RALYL: variants seen among roughly 807,000 people sequenced by gnomAD.
RALYL encodes RALY RNA binding protein like, also known as RNA-binding Raly-like protein.
A neutral mutation model predicts 35.1 loss-of-function variants in RALYL; 29 were observed. The observed-to-expected ratio is 0.83, with a 90% CI of 0.61 to 1.13. The LOEUF (loss-of-function observed/expected upper bound fraction) is 1.13, where lower values mean the gene tolerates loss of function less well. Among genes scored for constraint, RALYL ranks in the 50% most tolerant of loss-of-function variants. The pLI is 0.00. For synonymous variants in RALYL, 120 were observed against 127.6 expected (o/e 0.94, Z 0.40); for missense variants, 359 against 360.4 (o/e 1.00, Z 0.03).
intron 4 of RALYL, among the ~76,000 whole-genome samples, chr8:84,846,958 C>T (rs1834788677): frequency 6.6e-6 from 1 of 152,164 alleles, no homozygotes; most frequent in Admixed American, 6.5e-5. Context: ...TTCAGTTCTG[C>T]TCCACTTTTG....
At chr8:84,455,784 C>A (rs1422419399) in intron 1 of RALYL, among the ~76,000 whole-genome samples, 2 of 152,012 alleles carry the variant, frequency 1.3e-5, no homozygotes, top group African/African-American at 2.4e-5. Context: ...TTTCTATATA[C>A]ATTTCTGTAT....
intron 1 of RALYL, among the ~76,000 whole-genome samples, chr8:84,380,862 G>A (rs555388683): frequency 6.6e-6 from 1 of 151,964 alleles, no homozygotes; most frequent in East Asian, 2.0e-4. Flanking sequence ...TATGCATTGA[G>A]AAGTAGGTTA....
rs114716066 is a variant in RALYL at position 84,577,236 on chromosome 8, C to A, written c.256+47659C>A. Among the ~76,000 whole-genome samples the A allele has an allele frequency of 4.2e-3, 643 of 152,336 alleles. 6 individuals are homozygous for A. The highest frequency in any genetic ancestry group is 0.014 in the African/African-American group (591 of 41,572). On this transcript the variant is annotated intron_variant, in intron 2 of 8. Transcript: ENST00000521268. ...TTTTTAGTCAGGCTGACACTATCCA[C>A]ATATTTTGCAAGGTACATTCACAAA...
intron 4 of RALYL, among the ~76,000 whole-genome samples, chr8:84,848,839 CT>C (rs560811520): frequency 6.0e-5 from 9 of 149,920 alleles, no homozygotes; most frequent in East Asian, 2.0e-4. Context: ...AGTAAGTAAA[CT>C]TTTTTTTTTA....
intron 3 of RALYL, among the ~76,000 whole-genome samples, chr8:84,783,341 A>C (rs920399396): frequency 5.9e-5 from 9 of 152,210 alleles, no homozygotes; most frequent in Admixed American, 4.6e-4. Context: ...CATTAAGCCA[A>C]AATGTGGTGC....
chr8:84,810,015 C>A (rs1489963428), intron 4 of RALYL, among the ~76,000 whole-genome samples: 1 of 151,854 alleles, frequency 6.6e-6, no homozygotes, highest in Non-Finnish European at 1.5e-5. Context: ...TATTTCCTTT[C>A]TTTTACTGGG....
chr8:84,471,958 A>C (rs1343776638), intron 1 of RALYL, among the ~76,000 whole-genome samples: 1 of 152,234 alleles, frequency 6.6e-6, no homozygotes, highest in Non-Finnish European at 1.5e-5. Context: ...ATACTTACAC[A>C]TAGAAATTAG....
At chr8:84,335,292 T>C (rs1297472260) in intron 1 of RALYL, among the ~76,000 whole-genome samples, 2 of 152,180 alleles carry the variant, frequency 1.3e-5, no homozygotes, top group African/African-American at 4.8e-5. Context: ...ATCCATCTTC[T>C]CTCTGCTGAT....
At chr8:84,372,799 A>G (rs1250141134) in intron 1 of RALYL, among the ~76,000 whole-genome samples, 2 of 147,876 alleles carry the variant, frequency 1.4e-5, no homozygotes, top group Admixed American at 6.8e-5. Context: ...GAATCACCAC[A>G]CTGCTTTTCA....
chr8:84,272,528 G>T (rs2059359646), intron 1 of RALYL, among the ~76,000 whole-genome samples: 1 of 152,162 alleles, frequency 6.6e-6, no homozygotes, highest in African/African-American at 2.4e-5. Flanking sequence ...TACTGTGATG[G>T]AATATCTGGC....
In RALYL at chr8:84,424,769, G is replaced by C. The variant is rs558750535; in HGVS notation, c.-23-104530G>C. On this transcript the variant is annotated intron_variant, in intron 1 of 8. Coordinates refer to ENST00000521268, the MANE Select transcript of RALYL (RefSeq NM_173848.7). ...CTGTTTGTTAGTTTTCCTTGTAACA[G>C]ACAGGACCCTCAGCTGCAGGTCTGT... 8.3e-4 allele frequency among the ~76,000 whole-genome samples: 127 copies of C among 152,228 alleles called. 2 individuals are homozygous for C. The South Asian group carries it at 0.02, about 24-fold the overall frequency.
chr8:84,641,714 G>T (rs549617043), intron 2 of RALYL, among the ~76,000 whole-genome samples: 7 of 149,252 alleles, frequency 4.7e-5, no homozygotes, highest in African/African-American at 1.7e-4. Flanking sequence ...ACTTAAGCAC[G>T]TGTGTATTTT....
At chr8:84,847,768 C>T (rs980364639) in intron 4 of RALYL, among the ~76,000 whole-genome samples, 4 of 152,150 alleles carry the variant, frequency 2.6e-5, no homozygotes, top group Non-Finnish European at 4.4e-5. Context: ...TACAGCATTG[C>T]TCTAGCCATA....
intron 1 of RALYL, among the ~76,000 whole-genome samples, chr8:84,294,934 T>C (rs1206623523): frequency 6.6e-6 from 1 of 151,962 alleles, no homozygotes; most frequent in African/African-American, 2.4e-5. Flanking sequence ...AGGGCAAAAA[T>C]TGGGGAAGCT....
chr8:84,432,111 C>T (rs1380310537), intron 1 of RALYL, among the ~76,000 whole-genome samples: 1 of 152,094 alleles, frequency 6.6e-6, no homozygotes, highest in East Asian at 1.9e-4. Context: ...AACAGGGTCT[C>T]AGAGATTGTT....
intron 7 of RALYL, among the ~76,000 whole-genome samples, chr8:84,879,202 C>A (rs1199836983): frequency 6.6e-6 from 1 of 151,982 alleles, no homozygotes. Flanking sequence ...CTGGGATAGA[C>A]TTTTTAAGAC....
intron 1 of RALYL, among the ~76,000 whole-genome samples, chr8:84,449,108 T>C (rs711008): frequency 0.097 from 14,556 of 150,318 alleles, 986 homozygotes; most frequent in African/African-American, 0.18. Context: ...GGTGTGCTAA[T>C]TGCAAAGTGA....
intron 4 of RALYL, among the ~76,000 whole-genome samples, chr8:84,831,533 G>A (rs1460252093): frequency 2.6e-5 from 4 of 152,218 alleles, no homozygotes; most frequent in Admixed American, 6.5e-5. Context: ...TTTTACAAAC[G>A]TATGTTTAAC....
chr8:84,501,938 T>C (rs2056711128), intron 1 of RALYL, among the ~76,000 whole-genome samples: 1 of 151,550 alleles, frequency 6.6e-6, no homozygotes, highest in African/African-American at 2.4e-5. Context: ...GAATGAAACA[T>C]GAAGCCTTAG....
Sources: allele counts gnomAD v4.1 joint callset (sites outside exome capture counted in the v4.1 genomes callset), GRCh38; gene constraint gnomAD v4.1.1; transcripts MANE v1.5; gene names NCBI Gene and HGNC (gene_info 2026-07-23, HGNC 2026-07-21).